KIF3A: variants seen among roughly 807,000 people sequenced by gnomAD.
KIF3A encodes the protein kinesin-like protein KIF3A.
A neutral mutation model predicts 92.6 loss-of-function variants in KIF3A; 27 were observed. That is an observed-to-expected ratio of 0.29 (90% CI 0.21 to 0.40). The LOEUF is 0.40. Ranked by LOEUF, KIF3A falls within the 10% of genes least tolerant of loss-of-function variation. The pLI is 1.00. For synonymous variants in KIF3A, 250 were observed against 275.4 expected (o/e 0.91, Z 0.92); for missense variants, 581 against 872.6 (o/e 0.67, Z 4.21).
intron 1 of KIF3A, chr5:132,736,987 T>A (rs1754410736): frequency 3.2e-6 from 1 of 313,168 alleles, no homozygotes; most frequent in African/African-American, 2.2e-5. Context: ...GGGCCTGGAA[T>A]AGGGGCAGGC....
In KIF3A at chr5:132,726,195, G is replaced by C; in HGVS notation, c.443C>G (p.Ser148Cys). 1.2e-6 allele frequency: 2 copies of C among 1,610,512 alleles called. No individual in the cohort carries two copies. Among genetic ancestry groups the C allele is most frequent in the Non-Finnish European group, 1.7e-6 (2 of 1,178,540 alleles). Residue 148 changes from serine (S) to cysteine (C), a missense_variant, in exon 4 of 19, where the codon TCT (serine) becomes TGT (cysteine). By Grantham distance (112) the Ser-to-Cys change is moderately radical. Transcript: ENST00000403231. ...TTCTTCATTATATATTTCCAAATAA[G>C]ACACTCGAACCAAAAATCTATAAAA... ...EGDTRFLVRV[S>C]YLEIYNEEVR...
intron 18 of KIF3A, among the ~76,000 whole-genome samples, chr5:132,698,449 A>G (rs909386243): frequency 1.3e-5 from 2 of 152,312 alleles, no homozygotes; most frequent in South Asian, 2.1e-4. Context: ...TGTCCAAGGA[A>G]GTTCTCCTTA....
chr5:132,709,172 G>A (rs1039756633), intron 9 of KIF3A, among the ~76,000 whole-genome samples, 194 bp from the exon 10 acceptor site: 2 of 152,086 alleles, frequency 1.3e-5, no homozygotes, highest in African/African-American at 4.8e-5. Flanking sequence ...ACTTTACAAA[G>A]CCATACAGAG....
In KIF3A at chr5:132,693,134, C is replaced by T. The variant is rs1752714709; in HGVS notation, c.*3500G>A. On this transcript the variant is annotated 3_prime_UTR_variant, in exon 19 of 19. Transcript: ENST00000403231. ...ATGTTACAGAGGAAGTAGCACCACCCCCTCCCCCAATAAAACCTTAAATTT... is the reference window on the plus strand; with the variant it reads ...ATGTTACAGAGGAAGTAGCACCACCTCCTCCCCCAATAAAACCTTAAATTT... The T allele has an allele frequency of 6.6e-6, 1 of 151,550 alleles. No homozygotes were observed. Among genetic ancestry groups the T allele is most frequent in the South Asian group, 2.1e-4 (1 of 4,778 alleles). 9.4% of individuals were successfully genotyped at this position (151,550 alleles called of 1,614,324 possible). A position where few individuals can be genotyped will look rare whatever the true frequency, so the allele number is the denominator to read the frequency against.
chr5:132,727,393 AG>A (rs1479525760), intron 2 of KIF3A, among the ~76,000 whole-genome samples: 2 of 152,334 alleles, frequency 1.3e-5, no homozygotes, highest in East Asian at 3.9e-4. Flanking sequence ...AACTAGGCAC[AG>A]GAATTGTAAT....
chr5:132,715,657 G>T, intron 8 of KIF3A, 100 bp downstream of exon 8: 2 of 778,484 alleles, frequency 2.6e-6, no homozygotes, highest in Non-Finnish European at 4.1e-6. Context: ...AATGTTAGAG[G>T]CTCAAAAAAG....
rs1581054106 is a variant in KIF3A at position 132,693,137 on chromosome 5, T to A, written c.*3497A>T. ...TTACAGAGGAAGTAGCACCACCCCC[T>A]CCCCCAATAAAACCTTAAATTTTTG... On this transcript the variant is annotated 3_prime_UTR_variant, in exon 19 of 19. Coordinates refer to ENST00000403231, the MANE Select transcript of KIF3A (RefSeq NM_001300791.2). 1 of 145,554 alleles carries A rather than the reference T, an allele frequency of 6.9e-6. No individual in the cohort carries two copies. The highest frequency in any genetic ancestry group is 1.5e-5 in the Non-Finnish European group (1 of 66,688). The allele number at this position is 145,554 out of a possible 1,614,324, so 9.0% of individuals were successfully genotyped here. A position where few individuals can be genotyped will look rare whatever the true frequency, so the allele number is the denominator to read the frequency against.
In KIF3A at chr5:132,737,032, G is replaced by C. The variant is rs536371234; in HGVS notation, c.6+382C>G. The C allele has an allele frequency of 7.0e-5, 26 of 372,986 alleles. No individual in the cohort carries two copies. The South Asian group carries it at 8.1e-4, about 12-fold the overall frequency. The allele number at this position is 372,986 out of a possible 1,614,324, so 23.1% of individuals were successfully genotyped here. A position where few individuals can be genotyped will look rare whatever the true frequency, so the allele number is the denominator to read the frequency against. ...TCCGCTGCCTCCCTGCGCTTGCTCC[G>C]AGGCGCAAAGGCCTCACCAGGTGTG... On this transcript the variant is annotated intron_variant, in intron 1 of 18. Coordinates refer to ENST00000403231, the MANE Select transcript of KIF3A (RefSeq NM_001300791.2).
Position 132,703,076 on chromosome 5 carries a change from G to C in KIF3A, c.1467-11C>G, listed in dbSNP as rs1314001157. 3.1e-6 allele frequency: 5 copies of C among 1,592,370 alleles called. No homozygotes were observed. The East Asian group carries it at 9.0e-5, about 29-fold the overall frequency. ...GACTGATGCTCTTGTCTGTTGATTA[G>C]AATGAGAATACTCTATATTCACTGA... On this transcript the variant is annotated splice_polypyrimidine_tract_variant and intron_variant, in intron 12 of 18. Transcript: ENST00000403231.
downstream of KIF3A, chr5:132,689,801 G>C (rs897968891): frequency 6.6e-6 from 1 of 152,104 alleles, no homozygotes; most frequent in Non-Finnish European, 1.5e-5. Flanking sequence ...TGCCAGGGCA[G>C]GCCTTTAATT....
At position 132,694,903 on chromosome 5, in the gene KIF3A, AT is replaced by A. The variant is rs1178923910; in HGVS notation, c.*1730del. 1 of 152,336 alleles carries A rather than the reference AT, an allele frequency of 6.6e-6. No homozygotes were observed. Among genetic ancestry groups the A allele is most frequent in the Non-Finnish European group, 1.5e-5 (1 of 68,036 alleles). The allele number at this position is 152,336 out of a possible 1,614,324, so 9.4% of individuals were successfully genotyped here. ...GTTCACCACACACAGGACATTCAGT[AT>A]TCCAATTACAGAATGGACTTTAAAT... On this transcript the variant is annotated 3_prime_UTR_variant, in exon 19 of 19. Transcript: ENST00000403231.
chr5:132,734,242 T>A lies in KIF3A; in HGVS notation c.243A>T (p.Ala81=). 6.2e-7 allele frequency: 1 copy of A among 1,613,902 alleles called. No individual in the cohort carries two copies. Residue 81 remains alanine, a synonymous_variant, in exon 2 of 19, where the codon GCA becomes GCT. Coordinates refer to ENST00000403231, the MANE Select transcript of KIF3A (RefSeq NM_001300791.2). ...CAAGTACAGAATCAATAATAGGTCT[T>A]GCAGTTAAGTTATAAACATCAAGTT... ...SKQLDVYNLT[A]RPIIDSVLEG...
intron 15 of KIF3A, 39 bp from the exon 16 acceptor site, chr5:132,700,739 A>T: frequency 7.9e-7 from 1 of 1,269,026 alleles, no homozygotes; most frequent in Non-Finnish European, 1.1e-6. Flanking sequence ...TTTAATATTT[A>T]ATAACATCTA....
chr5:132,735,949 C>T (rs1754375884), intron 1 of KIF3A, among the ~76,000 whole-genome samples: 1 of 152,248 alleles, frequency 6.6e-6, no homozygotes, highest in Non-Finnish European at 1.5e-5. Context: ...CTCCTCACCA[C>T]TGGCCTTTCC....
rs1218337075 is a variant in KIF3A at position 132,693,418 on chromosome 5, AAT to A, written c.*3214_*3215del. The A allele has an allele frequency of 6.5e-6, 1 of 152,766 alleles. No individual in the cohort carries two copies. Among genetic ancestry groups the A allele is most frequent in the East Asian group, 1.9e-4 (1 of 5,332 alleles). The allele number at this position is 152,766 out of a possible 1,614,324, so 9.5% of individuals were successfully genotyped here. On this transcript the variant is annotated 3_prime_UTR_variant, in exon 19 of 19. Transcript: ENST00000403231. ...CTACCAATGCTCCTTTTAATAAATA[AAT>A]ATCACTTTTTAAATTAAAGGGAAAA...
At chr5:132,707,307 A>G (rs1753247260) in intron 10 of KIF3A, among the ~76,000 whole-genome samples, 1 of 152,176 alleles carries the variant, frequency 6.6e-6, no homozygotes, top group Non-Finnish European at 1.5e-5. Flanking sequence ...GGCCATTGAG[A>G]TATTTAAAAG....
At chr5:132,711,452 C>T (rs1284020472) in intron 8 of KIF3A, among the ~76,000 whole-genome samples, 3 of 152,008 alleles carry the variant, frequency 2.0e-5, no homozygotes, top group African/African-American at 4.8e-5. Flanking sequence ...ATTAGCTGGG[C>T]TTGGTGGCAT....
intron 14 of KIF3A, 112 bp downstream of exon 14, chr5:132,702,444 TTA>T: frequency 1.4e-6 from 1 of 699,178 alleles, no homozygotes; most frequent in Non-Finnish European, 2.3e-6. Flanking sequence ...AAGAAATATT[TTA>T]TTTCTTTTAA....
chr5:132,707,885 CTTAA>C (rs1021946927), intron 10 of KIF3A, among the ~76,000 whole-genome samples: 7 of 152,142 alleles, frequency 4.6e-5, no homozygotes, highest in African/African-American at 4.8e-5. Flanking sequence ...CACTTTTCAA[CTTAA>C]TTAAATTGTT....
Sources: allele counts gnomAD v4.1 joint callset (sites outside exome capture counted in the v4.1 genomes callset), GRCh38; gene constraint gnomAD v4.1.1; transcripts MANE v1.5; gene names NCBI Gene and HGNC (gene_info 2026-07-23, HGNC 2026-07-21).